PRRG1: variants seen among roughly 807,000 people sequenced by gnomAD.
PRRG1 encodes the protein transmembrane gamma-carboxyglutamic acid protein 1.
Under a neutral mutation model 11.8 loss-of-function variants are expected in PRRG1, and 5 were observed. The observed-to-expected ratio is 0.42, with a 90% CI of 0.22 to 0.89. The LOEUF (loss-of-function observed/expected upper bound fraction) is 0.89, where lower values mean the gene tolerates loss of function less well. Among genes scored for constraint, PRRG1 ranks in the 40% least tolerant of loss-of-function variants. PRRG1 has a pLI of 0.28. For synonymous variants in PRRG1, 66 were observed against 60.4 expected, an observed-to-expected ratio of 1.09 and a Z score of -0.43; for missense variants, 155 against 166.1, an observed-to-expected ratio of 0.93 and a Z score of 0.37.
At chrX:37,408,506 C>T (rs1556382716) in intron 2 of PRRG1, among the ~76,000 whole-genome samples, 4 of 110,950 alleles carry the variant, frequency 3.6e-5, no homozygotes. Flanking sequence ...TGGGGGTGGC[C>T]ATGTTGCCAG....
intron 2 of PRRG1, among the ~76,000 whole-genome samples, chrX:37,411,486 A>G (rs1556383884): frequency 1.8e-5 from 2 of 112,507 alleles, no homozygotes; most frequent in African/African-American, 6.4e-5. Context: ...ATCTTTACCT[A>G]CAATGAATAT....
chrX:37,449,398 A>G (rs1293846852), intron 3 of PRRG1, among the ~76,000 whole-genome samples: 5 of 112,574 alleles, frequency 4.4e-5, no homozygotes, highest in African/African-American at 1.6e-4. Flanking sequence ...TGCAATTATG[A>G]AAGCCTTGAG....
chrX:37,384,102 G>A (rs1195817497), intron 1 of PRRG1, among the ~76,000 whole-genome samples: 1 of 110,384 alleles, frequency 9.1e-6, no homozygotes, highest in Non-Finnish European at 1.9e-5. Context: ...GCCATTCAAG[G>A]GTATATATAA....
chrX:37,426,118 A>C (rs879952555), intron 3 of PRRG1, 118 bp downstream of exon 3: 1 of 801,708 alleles, frequency 1.2e-6, no homozygotes, highest in South Asian at 3.3e-5. Context: ...TTTGTTAGGA[A>C]CTCGGAAAAT....
intron 1 of PRRG1, among the ~76,000 whole-genome samples, chrX:37,379,978 A>G (rs782563626): frequency 7.2e-5 from 8 of 111,846 alleles, no homozygotes; most frequent in African/African-American, 2.6e-4. Flanking sequence ...TTTGAATGCC[A>G]TAGATATTCA....
intron 3 of PRRG1, among the ~76,000 whole-genome samples, chrX:37,446,515 T>C (rs1556395237): frequency 1.8e-5 from 2 of 112,147 alleles, no homozygotes; most frequent in African/African-American, 6.5e-5. Context: ...TAAAATGATA[T>C]GTGATGAACT....
rs782678531 is a variant in PRRG1, at chrX:37,369,463, T to G, written c.-42+20068T>G. Among the ~76,000 whole-genome samples, 3 of 112,243 alleles carry G rather than the reference T, an allele frequency of 2.7e-5. No individual in the cohort carries two copies. The East Asian group carries it at 8.3e-4, about 31-fold the overall frequency. On this transcript the variant is annotated intron_variant, in intron 1 of 3. Coordinates refer to ENST00000378628, the MANE Select transcript of PRRG1 (RefSeq NM_001142395.2). The stretch of plus-strand genomic sequence containing the variant: ...GTTAACATATATGCATTACCTTACA[T>G]GTCATTTTTGTGGTAACATCACTTA...
In PRRG1 at chrX:37,456,119, A is replaced by G. The variant is rs782615820; in HGVS notation, c.*2498A>G. The G allele has an allele frequency of 6.2e-5, 7 of 112,170 alleles. No individual in the cohort carries two copies. Among genetic ancestry groups the G allele is most frequent in the Non-Finnish European group, 1.1e-4 (6 of 53,256 alleles). The allele number at this position is 112,170 out of a possible 1,213,427, so 9.2% of individuals were successfully genotyped here. A position where few individuals can be genotyped will look rare whatever the true frequency, so the allele number is the denominator to read the frequency against. ...TGTGTTAGCATGTAATGGGTTTACTATGTTTAAATAAGTTAATACTTTAAA... is the reference window on the plus strand; with the variant it reads ...TGTGTTAGCATGTAATGGGTTTACTGTGTTTAAATAAGTTAATACTTTAAA... On this transcript the variant is annotated 3_prime_UTR_variant, in exon 4 of 4. Coordinates refer to ENST00000378628, the MANE Select transcript of PRRG1 (RefSeq NM_001142395.2).
intron 2 of PRRG1, among the ~76,000 whole-genome samples, chrX:37,413,498 T>C (rs782608115): frequency 9.0e-6 from 1 of 111,452 alleles, no homozygotes; most frequent in Non-Finnish European, 1.9e-5. Context: ...TGTTTGGGGG[T>C]AAATATCAAG....
At chrX:37,354,381 A>T (rs1463939419) in intron 1 of PRRG1, among the ~76,000 whole-genome samples, 3 of 106,981 alleles carry the variant, frequency 2.8e-5, no homozygotes, top group East Asian at 2.9e-4. Flanking sequence ...TTTTATTTTT[A>T]TTTTTATTTT....
At chrX:37,398,203 C>G (rs372285873) in intron 1 of PRRG1, among the ~76,000 whole-genome samples, 2 of 111,607 alleles carry the variant, frequency 1.8e-5, no homozygotes, top group African/African-American at 6.5e-5. Flanking sequence ...CCCCGACCCC[C>G]GAGCAGCCTA....
chrX:37,393,845 A>G (rs1556377390), intron 1 of PRRG1, among the ~76,000 whole-genome samples: 2 of 112,004 alleles, frequency 1.8e-5, no homozygotes, highest in Admixed American at 9.5e-5. Context: ...GAACGACTAC[A>G]TATGTGATTA....
intron 3 of PRRG1, among the ~76,000 whole-genome samples, chrX:37,430,283 A>G (rs1455090393): frequency 7.1e-5 from 8 of 112,323 alleles, no homozygotes; most frequent in African/African-American, 2.6e-4. Flanking sequence ...ATATGTATAC[A>G]TGCATACAAA....
chrX:37,414,607 T>G (rs1932437632), intron 2 of PRRG1, among the ~76,000 whole-genome samples: 1 of 112,946 alleles, frequency 8.9e-6, no homozygotes, highest in Non-Finnish European at 1.9e-5. Context: ...CACCTCTCCT[T>G]CAGACAGAAC....
chrX:37,407,503 A>G (rs568257957), intron 2 of PRRG1, among the ~76,000 whole-genome samples: 7 of 111,663 alleles, frequency 6.3e-5, no homozygotes, highest in African/African-American at 2.3e-4. Context: ...AGAATACTGG[A>G]TACAGAAGGC....
At chrX:37,371,809 G>A (rs1001090196) in intron 1 of PRRG1, among the ~76,000 whole-genome samples, 4 of 112,986 alleles carry the variant, frequency 3.5e-5, no homozygotes, top group East Asian at 2.8e-4. Context: ...TGCTCACAAC[G>A]CTCCTCACCG....
intron 1 of PRRG1, among the ~76,000 whole-genome samples, chrX:37,364,544 A>T (rs1452905723): frequency 2.7e-5 from 3 of 111,796 alleles, no homozygotes; most frequent in Non-Finnish European, 5.6e-5. Flanking sequence ...ATTCTCTTGA[A>T]TTTTTATTGT....
At chrX:37,446,155 A>G (rs1556395131) in intron 3 of PRRG1, among the ~76,000 whole-genome samples, 1 of 112,294 alleles carries the variant, frequency 8.9e-6, no homozygotes, top group Non-Finnish European at 1.9e-5. Flanking sequence ...TATTAATTTA[A>G]CCTAAGATGA....
At chrX:37,405,542 G>T (rs1435842609) in intron 1 of PRRG1, among the ~76,000 whole-genome samples, 2 of 110,466 alleles carry the variant, frequency 1.8e-5, no homozygotes, top group Non-Finnish European at 3.8e-5. Flanking sequence ...GTGTATGTAT[G>T]AGTGTTTTTT....
Sources: allele counts gnomAD v4.1 joint callset (sites outside exome capture counted in the v4.1 genomes callset), GRCh38; gene constraint gnomAD v4.1.1; transcripts MANE v1.5; gene names NCBI Gene and HGNC (gene_info 2026-07-23, HGNC 2026-07-21).